ZC3H18: variants seen among roughly 807,000 people sequenced by gnomAD.
ZC3H18 encodes the protein zinc finger CCCH domain-containing protein 18.
A neutral mutation model predicts 106.1 loss-of-function variants in ZC3H18; 8 were observed. That is an observed-to-expected ratio of 0.08 (90% confidence interval 0.04 to 0.14). The LOEUF is 0.14. Ranked by LOEUF, ZC3H18 falls within the 10% of genes least tolerant of loss-of-function variation. The pLI, the probability that ZC3H18 is intolerant of heterozygous loss-of-function variation, is 1.00. For missense variants in ZC3H18, 1,318 were observed against 1,278.4 expected, an observed-to-expected ratio of 1.03 and a Z score of -0.47; for synonymous variants, 635 against 522.1, an observed-to-expected ratio of 1.22 and a Z score of -2.95.
chr16:88,609,820 C>T (rs1337320277), intron 7 of ZC3H18, among the ~76,000 whole-genome samples: 1 of 152,062 alleles, frequency 6.6e-6, no homozygotes. Context: ...AGGCTGGTCT[C>T]AAACTTCCGA....
intron 8 of ZC3H18, among the ~76,000 whole-genome samples, chr16:88,620,590 A>G (rs1905895767): frequency 1.3e-5 from 2 of 151,570 alleles, no homozygotes; most frequent in African/African-American, 4.9e-5. Flanking sequence ...AAAAAGAAAA[A>G]AAAAAAAAAA....
intron 2 of ZC3H18, among the ~76,000 whole-genome samples, chr16:88,582,541 C>T (rs1378361408): frequency 1.3e-5 from 2 of 152,162 alleles, no homozygotes; most frequent in African/African-American, 2.4e-5. Context: ...TGGGTTTCCA[C>T]TTCAAGTGGG....
At chr16:88,588,475 C>G (rs1472808651) in intron 3 of ZC3H18, among the ~76,000 whole-genome samples, 1 of 152,194 alleles carries the variant, frequency 6.6e-6, no homozygotes, top group Non-Finnish European at 1.5e-5. Context: ...AAGCACAAAA[C>G]AGACAGAGAG....
chr16:88,600,062 C>T, intron 6 of ZC3H18, 114 bp downstream of exon 6: 2 of 1,312,500 alleles, frequency 1.5e-6, no homozygotes, highest in South Asian at 1.4e-5. Flanking sequence ...CAGCCCCACT[C>T]ACTGGAGTCT....
chr16:88,596,473 C>G (rs919655115), intron 3 of ZC3H18, among the ~76,000 whole-genome samples: 2 of 152,022 alleles, frequency 1.3e-5, no homozygotes, highest in Admixed American at 1.3e-4. Flanking sequence ...AGTCCCGTCT[C>G]TACTAAAAAT....
intron 8 of ZC3H18, among the ~76,000 whole-genome samples, chr16:88,614,839 C>T (rs1004832649): frequency 6.6e-6 from 1 of 152,248 alleles, no homozygotes; most frequent in African/African-American, 2.4e-5. Context: ...CCTAAGGCTG[C>T]CTTCTCCCCT....
intron 3 of ZC3H18, among the ~76,000 whole-genome samples, chr16:88,595,290 C>G (rs1037480867): frequency 5.3e-5 from 8 of 151,964 alleles, no homozygotes; most frequent in African/African-American, 1.7e-4. Flanking sequence ...CTCCGCCCCG[C>G]TCCAGCGGCC....
At chr16:88,623,146 T>C (rs1906074281) in intron 9 of ZC3H18, 73 bp from the exon 10 acceptor site, 6 of 1,562,286 alleles carry the variant, frequency 3.8e-6, no homozygotes, top group South Asian at 1.2e-5. Flanking sequence ...TAGCTGTGCA[T>C]GTGTGCGTCA....
At position 88,631,751 on chromosome 16, in the gene ZC3H18, C is replaced by T. The variant is rs775624278; in HGVS notation, c.*452C>T. On this transcript the variant is annotated 3_prime_UTR_variant, in exon 18 of 18. Transcript: ENST00000301011. ...CTCCTCCCCCGCCCCTGATCACCCGCCCCCGGATCAGAAATATATCTATAT... is the reference window on the plus strand; with the variant it reads ...CTCCTCCCCCGCCCCTGATCACCCGTCCCCGGATCAGAAATATATCTATAT... 93 of 373,930 alleles carry T rather than the reference C, an allele frequency of 2.5e-4. 3 individuals carry two copies. Among genetic ancestry groups the T allele is most frequent in the South Asian group, 1.4e-3 (75 of 52,088 alleles). 23.2% of individuals were successfully genotyped at this position (373,930 alleles called of 1,614,324 possible).
At position 88,631,351 on chromosome 16, in the gene ZC3H18, C is replaced by A; in HGVS notation, c.*52C>A. The A allele has an allele frequency of 6.5e-7, 1 of 1,547,332 alleles. No homozygotes were observed. The highest frequency in any genetic ancestry group is 2.4e-5 in the East Asian group (1 of 40,858). ...TTTTTATACATAGGGTAAGCGCAGC[C>A]ATTTTGGATTTTGCAGTTAATGTCT... On this transcript the variant is annotated 3_prime_UTR_variant, in exon 18 of 18. Coordinates refer to ENST00000301011, the MANE Select transcript of ZC3H18 (RefSeq NM_144604.4).
intron 3 of ZC3H18, among the ~76,000 whole-genome samples, chr16:88,593,494 A>G (rs1197686912): frequency 6.6e-6 from 1 of 152,182 alleles, no homozygotes; most frequent in Non-Finnish European, 1.5e-5. Flanking sequence ...TCGATTTAGT[A>G]TTTTCAGACG....
chr16:88,608,948 C>G lies in ZC3H18; in HGVS notation c.1103C>G (p.Ala368Gly). 1 of 1,613,296 alleles carries G rather than the reference C, an allele frequency of 6.2e-7. No homozygotes were observed. Among genetic ancestry groups the G allele is most frequent in the Non-Finnish European group, 8.5e-7 (1 of 1,179,546 alleles). ...GCCCTTTTCAGACTCGAGCCTTACG[C>G]AGACCCTTATTATGACTATGAAATT... ...DVRDTVLEPY[A>G]DPYYDYEIER... Residue 368 changes from alanine to glycine, a missense_variant, in exon 7 of 18, where the codon GCA becomes GGA. Coordinates refer to ENST00000301011, the MANE Select transcript of ZC3H18 (RefSeq NM_144604.4).
intron 2 of ZC3H18, among the ~76,000 whole-genome samples, chr16:88,584,209 G>A (rs1597324912): frequency 6.6e-6 from 1 of 152,228 alleles, no homozygotes; most frequent in South Asian, 2.1e-4. Context: ...ATCACCTGAG[G>A]TCAGGAGTTC....
intron 1 of ZC3H18, 49 bp downstream of exon 1, chr16:88,570,615 G>GAGGAGGAGGCCGCCGAGGCGGCGGC: frequency 6.6e-6 from 1 of 151,012 alleles, no homozygotes; most frequent in South Asian, 1.9e-4. Flanking sequence ...GCGGCGGCGG[G>GAGGAGGAGGCCGCCGAGGCGGCGGC]AGGAGGAGGC....
chr16:88,571,168 G>A (rs1228484973), intron 1 of ZC3H18, among the ~76,000 whole-genome samples: 2 of 152,236 alleles, frequency 1.3e-5, no homozygotes, highest in Non-Finnish European at 2.9e-5. Flanking sequence ...AATGCTGGAA[G>A]AACTGAAACT....
intron 2 of ZC3H18, among the ~76,000 whole-genome samples, chr16:88,585,494 C>G (rs890207043): frequency 7.9e-5 from 12 of 152,222 alleles, no homozygotes; most frequent in Non-Finnish European, 1.8e-4. Flanking sequence ...GTCGTCAACA[C>G]AAGGGTGCTC....
intron 3 of ZC3H18, chr16:88,587,415 C>G: frequency 1.4e-6 from 1 of 733,212 alleles, no homozygotes. Context: ...TCAGCGTTCC[C>G]CTTGGAAAGG....
chr16:88,631,586 T>TTCCTCC lies in ZC3H18; in HGVS notation c.*294_*299dup. 1.9e-6 allele frequency: 1 copy of TTCCTCC among 513,060 alleles called. No individual in the cohort carries two copies. Among genetic ancestry groups the TTCCTCC allele is most frequent in the South Asian group, 1.5e-5 (1 of 65,040 alleles). 31.8% of individuals were successfully genotyped at this position (513,060 alleles called of 1,614,324 possible). A position where few individuals can be genotyped will look rare whatever the true frequency, so the allele number is the denominator to read the frequency against. On this transcript the variant is annotated 3_prime_UTR_variant, in exon 18 of 18. Transcript: ENST00000301011. The stretch of plus-strand genomic sequence containing the variant: ...CCCCAGCCGCCAGCCCCGCCTTCTC[T>TTCCTCC]TCCTCCTCCTCCGTCTTCTTCCCTG...
intron 8 of ZC3H18, among the ~76,000 whole-genome samples, chr16:88,620,584 A>AG (rs979538185): frequency 2.7e-5 from 4 of 148,912 alleles, no homozygotes; most frequent in African/African-American, 9.9e-5. Context: ...TCTCTAAAAA[A>AG]GAAAAAAAAA....
Sources: gnomAD v4.1 joint callset for allele counts (sites outside exome capture counted in the v4.1 genomes callset) on GRCh38, gnomAD v4.1.1 for gene constraint, MANE v1.5 for transcripts, NCBI Gene and HGNC (gene_info 2026-07-23, HGNC 2026-07-21) for gene names.